Variants in ADGRL3 observed in about 807,000 individuals in gnomAD.
ADGRL3 encodes the protein adhesion G protein-coupled receptor L3.
Under a neutral mutation model 153.5 loss-of-function variants are expected in ADGRL3, and 62 were observed. That is an observed-to-expected ratio of 0.40 (90% CI 0.33 to 0.50). The LOEUF (loss-of-function observed/expected upper bound fraction) is 0.50. ADGRL3 is among the 20% of genes least tolerant of loss of function. ADGRL3 has a pLI of 0.47. For synonymous variants in ADGRL3, 710 were observed against 672.5 expected (o/e 1.06, Z -0.86); for missense variants, 1,641 against 1,859.4 (o/e 0.88, Z 2.16).
intron 1 of ADGRL3, among the ~76,000 whole-genome samples, chr4:61,325,769 TA>T (rs1275631565): frequency 1.3e-5 from 2 of 152,170 alleles, no homozygotes; most frequent in South Asian, 4.1e-4. Context: ...AAAATATGTT[TA>T]ATAAAGTAAT....
intron 4 of ADGRL3, among the ~76,000 whole-genome samples, chr4:61,537,876 T>A (rs2098666516): frequency 6.6e-6 from 1 of 152,174 alleles, no homozygotes; most frequent in Non-Finnish European, 1.5e-5. Flanking sequence ...CTGAATTATA[T>A]TTCTGGTTTC....
intron 13 of ADGRL3, among the ~76,000 whole-genome samples, chr4:61,918,059 A>G (rs532317929): frequency 1.3e-5 from 2 of 152,330 alleles, no homozygotes; most frequent in East Asian, 1.9e-4. Flanking sequence ...GTAAGGGCCG[A>G]AGCTGGGTTA....
intron 8 of ADGRL3, among the ~76,000 whole-genome samples, chr4:61,798,789 TTA>T (rs2097447314): frequency 1.3e-5 from 2 of 150,904 alleles, no homozygotes; most frequent in South Asian, 4.2e-4. Flanking sequence ...AGCTAATTTT[TTA>T]TGTTTTTAGT....
chr4:61,993,021 A>G (rs1202760706), intron 19 of ADGRL3, among the ~76,000 whole-genome samples: 1 of 152,132 alleles, frequency 6.6e-6, no homozygotes, highest in African/African-American at 2.4e-5. Context: ...TTTTTCTGAA[A>G]ATGTGTTTTA....
chr4:61,573,714 GATAAAT>G (rs2098848497), intron 4 of ADGRL3, among the ~76,000 whole-genome samples: 1 of 151,848 alleles, frequency 6.6e-6, no homozygotes, highest in South Asian at 2.1e-4. Flanking sequence ...AATCAAAACT[GATAAAT>G]ATAAAGAATG....
chr4:61,897,773 C>T (rs999476943), intron 11 of ADGRL3, among the ~76,000 whole-genome samples: 3 of 152,114 alleles, frequency 2.0e-5, no homozygotes, highest in Admixed American at 1.3e-4. Flanking sequence ...TCTCCTTCCT[C>T]TCATTGTAAT....
At chr4:61,613,083 T>C (rs1005967479) in intron 5 of ADGRL3, among the ~76,000 whole-genome samples, 7 of 152,060 alleles carry the variant, frequency 4.6e-5, no homozygotes, top group African/African-American at 1.2e-4. Flanking sequence ...TTCTGAAAAT[T>C]AAGTAATCAT....
chr4:61,803,976 C>A (rs2097528002), intron 8 of ADGRL3, among the ~76,000 whole-genome samples: 1 of 152,136 alleles, frequency 6.6e-6, no homozygotes, highest in Non-Finnish European at 1.5e-5. Flanking sequence ...TAGGATGAAT[C>A]TGTCAAAAAT....
intron 8 of ADGRL3, among the ~76,000 whole-genome samples, chr4:61,742,177 T>C (rs2096588538): frequency 1.3e-5 from 2 of 152,108 alleles, no homozygotes; most frequent in Non-Finnish European, 2.9e-5. Context: ...TAAGTGAGAG[T>C]TGACTCTATT....
intron 8 of ADGRL3, among the ~76,000 whole-genome samples, chr4:61,758,867 C>A (rs1328636395): frequency 6.6e-6 from 1 of 152,192 alleles, no homozygotes; most frequent in African/African-American, 2.4e-5. Context: ...TCTTGTAGGG[C>A]AGGCCTGGTG....
intron 5 of ADGRL3, among the ~76,000 whole-genome samples, chr4:61,622,361 G>T (rs1411690673): frequency 1.3e-5 from 2 of 151,968 alleles, no homozygotes; most frequent in Non-Finnish European, 2.9e-5. Flanking sequence ...TTCTCACTGG[G>T]TGTTACAAAG....
chr4:61,733,786 C>T (rs1342958117), intron 8 of ADGRL3, among the ~76,000 whole-genome samples: 2 of 152,190 alleles, frequency 1.3e-5, no homozygotes, highest in East Asian at 3.9e-4. Context: ...GTCTTCAGCT[C>T]TTCTTCTTTG....
At chr4:61,426,114 G>T (rs1198692656) in intron 2 of ADGRL3, among the ~76,000 whole-genome samples, 2 of 152,248 alleles carry the variant, frequency 1.3e-5, no homozygotes, top group Non-Finnish European at 2.9e-5. Context: ...AAAGGCAGGA[G>T]AATAACATGC....
At chr4:61,297,190 A>G in intron 1 of ADGRL3, among the ~76,000 whole-genome samples, 1 of 152,194 alleles carries the variant, frequency 6.6e-6, no homozygotes, top group East Asian at 1.9e-4. Flanking sequence ...TTATTTTACA[A>G]CTGGTCTGTT....
At chr4:61,742,338 GAGCGAT>G (rs1561158296) in intron 8 of ADGRL3, among the ~76,000 whole-genome samples, 5 of 151,942 alleles carry the variant, frequency 3.3e-5, no homozygotes, top group Non-Finnish European at 7.4e-5. Context: ...GAGTGCACTG[GAGCGAT>G]CTCGGCTCAC....
At position 61,396,948 on chromosome 4, in the gene ADGRL3, A is replaced by ATATTATTATTATTAT. The variant is rs72231913; in HGVS notation, c.-174+13770_-174+13784dup. Among the ~76,000 whole-genome samples, 204 of 148,560 alleles carry ATATTATTATTATTAT rather than the reference A, an allele frequency of 1.4e-3. 1 individual carries two copies. The highest frequency in any genetic ancestry group is 4.8e-3 in the African/African-American group (197 of 40,628). On this transcript the variant is annotated intron_variant, in intron 2 of 26. Coordinates refer to ENST00000683033, the MANE Select transcript of ADGRL3 (RefSeq NM_001387552.1). Reference sequence around the variant, plus strand: ...ATAATTTGTTAGCCTAGTAAGGAATATATTATTATTATTATTATTATTATT... The same window carrying ATATTATTATTATTAT: ...ATAATTTGTTAGCCTAGTAAGGAATATATTATTATTATTATTATTATTATTATTATTATTATTATT...
chr4:61,690,215 C>T (rs143740445), intron 6 of ADGRL3, among the ~76,000 whole-genome samples: 1,561 of 152,100 alleles, frequency 0.01, 29 homozygotes, highest in African/African-American at 0.035. Flanking sequence ...AAGGCCAAGG[C>T]GGGAGGATGG....
At chr4:61,831,538 T>C (rs191656351) in intron 9 of ADGRL3, among the ~76,000 whole-genome samples, 4 of 149,744 alleles carry the variant, frequency 2.7e-5, no homozygotes, top group African/African-American at 7.4e-5. Context: ...TGTGAAAGAA[T>C]GCAATTTCAA....
chr4:61,309,070 C>A (rs947905617), intron 1 of ADGRL3, among the ~76,000 whole-genome samples: 1 of 152,078 alleles, frequency 6.6e-6, no homozygotes, highest in East Asian at 1.9e-4. Context: ...AGGTAAGTTT[C>A]AAGAGATCAA....
Sources: gnomAD v4.1 joint callset for allele counts (sites outside exome capture counted in the v4.1 genomes callset) on GRCh38, gnomAD v4.1.1 for gene constraint, MANE v1.5 for transcripts, NCBI Gene and HGNC (gene_info 2026-07-23, HGNC 2026-07-21) for gene names.